Variants in TRPM3 observed in about 807,000 individuals in gnomAD.
TRPM3 encodes transient receptor potential cation channel subfamily M member 3, also known as long transient receptor potential channel 3.
Under a neutral mutation model 181.2 loss-of-function variants are expected in TRPM3, and 77 were observed. The observed-to-expected ratio is 0.42, with a 90% CI of 0.35 to 0.51. The LOEUF (loss-of-function observed/expected upper bound fraction) is 0.51, where lower values mean the gene tolerates loss of function less well. TRPM3 is among the 20% of genes least tolerant of loss of function. The probability of loss-of-function intolerance (pLI) is 0.01; values close to 1 mark genes in which losing one functional copy is unlikely to be tolerated. For synonymous variants in TRPM3, 745 were observed against 796.4 expected, an observed-to-expected ratio of 0.94 and a Z score of 1.09; for missense variants, 1,759 against 2,196.7, an observed-to-expected ratio of 0.80 and a Z score of 3.98.
At chr9:71,355,713 CCCTCTGG>C (rs1209123736) in intron 1 of TRPM3, among the ~76,000 whole-genome samples, 6 of 152,094 alleles carry the variant, frequency 3.9e-5, no homozygotes, top group Non-Finnish European at 8.8e-5. Flanking sequence ...CAAAGGAAGA[CCCTCTGG>C]CTTGGGTCTC....
At chr9:71,196,195 T>G (rs964375614) in intron 1 of TRPM3, among the ~76,000 whole-genome samples, 4 of 143,134 alleles carry the variant, frequency 2.8e-5, no homozygotes, top group Admixed American at 6.8e-5. Flanking sequence ...GTGTGTGTGT[T>G]TTGTACTTAT....
At chr9:70,651,585 G>A (rs2059601173) in intron 9 of TRPM3, among the ~76,000 whole-genome samples, 1 of 152,048 alleles carries the variant, frequency 6.6e-6, no homozygotes, top group African/African-American at 2.4e-5. Flanking sequence ...TGCATCTTGG[G>A]GTGTCACTCA....
chr9:70,599,160 A>C (rs1347670740), intron 20 of TRPM3, among the ~76,000 whole-genome samples: 2 of 152,176 alleles, frequency 1.3e-5, no homozygotes, highest in Non-Finnish European at 2.9e-5. Context: ...TCTAAGCTCC[A>C]TCACATCTTA....
chr9:70,570,313 T>G (rs1285564315), intron 22 of TRPM3, among the ~76,000 whole-genome samples: 1 of 145,232 alleles, frequency 6.9e-6, no homozygotes, highest in East Asian at 2.0e-4. Context: ...TTTTTTTTTT[T>G]TTTTTTTTTT....
intron 1 of TRPM3, among the ~76,000 whole-genome samples, chr9:71,266,829 A>T (rs2083425429): frequency 6.6e-6 from 1 of 151,994 alleles, no homozygotes; most frequent in Non-Finnish European, 1.5e-5. Context: ...AAATTTCACT[A>T]TTTTAGATAC....
At chr9:71,028,792 C>G (rs2056919367) in intron 1 of TRPM3, among the ~76,000 whole-genome samples, 1 of 152,090 alleles carries the variant, frequency 6.6e-6, no homozygotes, top group Admixed American at 6.5e-5. Context: ...CACATGAGCA[C>G]CCAGATTCAT....
At chr9:71,068,208 A>G (rs2062190169) in intron 1 of TRPM3, among the ~76,000 whole-genome samples, 1 of 152,230 alleles carries the variant, frequency 6.6e-6, no homozygotes, top group African/African-American at 2.4e-5. Flanking sequence ...TTTCCATCTT[A>G]CTGGAGACTG....
At position 70,668,525 on chromosome 9, in the gene TRPM3, C is replaced by T. The variant is rs375765453; in HGVS notation, c.1345+12981G>A. On this transcript the variant is annotated intron_variant, in intron 9 of 25. Transcript: ENST00000677713. ...TAAAAAATACAAAAAATTAGCTGGG[C>T]GTGGTGGCGGGCGCCCGTAGTCCCA... is the stretch of plus-strand genomic sequence containing the variant. 1.2e-3 allele frequency among the ~76,000 whole-genome samples: 175 copies of T among 151,792 alleles called. 2 individuals carry two copies. The highest frequency in any genetic ancestry group is 4.1e-3 in the African/African-American group (168 of 41,468).
intron 1 of TRPM3, among the ~76,000 whole-genome samples, chr9:71,107,771 G>A (rs1294843961): frequency 6.6e-6 from 1 of 152,074 alleles, no homozygotes; most frequent in Admixed American, 6.6e-5. Flanking sequence ...GGAACATTCT[G>A]TTGAAATATT....
chr9:70,624,330 G>A (rs1240229706), intron 14 of TRPM3, among the ~76,000 whole-genome samples: 1 of 152,052 alleles, frequency 6.6e-6, no homozygotes, highest in Non-Finnish European at 1.5e-5. Flanking sequence ...TGTTGTTCAG[G>A]TTGCAGGGCA....
chr9:70,681,987 C>T (rs2065563948), intron 8 of TRPM3, among the ~76,000 whole-genome samples: 1 of 152,128 alleles, frequency 6.6e-6, no homozygotes, highest in Non-Finnish European at 1.5e-5. Context: ...CCACCTCCCA[C>T]CACGTGAGGA....
chr9:71,320,940 C>T (rs778957615), intron 1 of TRPM3, among the ~76,000 whole-genome samples: 1 of 152,042 alleles, frequency 6.6e-6, no homozygotes, highest in African/African-American at 2.4e-5. Flanking sequence ...TGACATCGCT[C>T]TCTCCCTCAT....
At chr9:71,126,486 C>T (rs2074038008), upstream of TRPM3, among the ~76,000 whole-genome samples, 1 of 152,250 alleles carries the variant, frequency 6.6e-6, no homozygotes, top group South Asian at 2.1e-4. Context: ...GATGCTTATA[C>T]TGTATTTTCC....
chr9:71,322,334 T>C (rs1233100679), intron 1 of TRPM3, among the ~76,000 whole-genome samples: 1 of 152,150 alleles, frequency 6.6e-6, no homozygotes, highest in Non-Finnish European at 1.5e-5. Context: ...ACCACACAAA[T>C]GATTCATCCA....
chr9:70,663,347 T>C (rs1430366134), intron 9 of TRPM3, among the ~76,000 whole-genome samples: 4 of 152,082 alleles, frequency 2.6e-5, no homozygotes, highest in African/African-American at 9.7e-5. Flanking sequence ...AAAGAACTTA[T>C]CCATGTTCAA....
chr9:71,217,039 C>T (rs1289492559), intron 1 of TRPM3, among the ~76,000 whole-genome samples: 2 of 145,512 alleles, frequency 1.4e-5, no homozygotes, highest in Admixed American at 7.0e-5. Context: ...CAAGCTCCGC[C>T]TCCCGGGTTC....
intron 1 of TRPM3, among the ~76,000 whole-genome samples, chr9:70,948,047 T>TA (rs763659522): frequency 5.3e-5 from 8 of 151,864 alleles, no homozygotes; most frequent in African/African-American, 1.2e-4. Flanking sequence ...CTTGATTTTA[T>TA]AAAAAAACAC....
In TRPM3 at chr9:70,625,515, T is replaced by A. The variant is rs73451725; in HGVS notation, c.1635A>T (p.Arg545=). The change falls in exon 13 of 26, where the codon CGA becomes CGT. Residue 545 remains arginine (R), a splice_region_variant and synonymous_variant. Coordinates refer to ENST00000677713, the MANE Select transcript of TRPM3 (RefSeq NM_001366145.2). This position sits in a 1 kb window ranked among gnomAD's most constrained non-coding sequence, Gnocchi z 4.8. ...LYHLVRDVKK[R]EYPGFGWIYF... Reference sequence around the variant, plus strand: ...AGATCCAACCGAAACCTGGATACTCTCGCTTGGAAAGAAGACATAAGTTAA... The same window carrying A: ...AGATCCAACCGAAACCTGGATACTCACGCTTGGAAAGAAGACATAAGTTAA... 3 of 1,611,892 alleles carry A rather than the reference T, an allele frequency of 1.9e-6. No homozygotes were observed. The East Asian group carries it at 6.7e-5, about 36-fold the overall frequency.
chr9:70,923,032 C>T (rs982896205), intron 1 of TRPM3, among the ~76,000 whole-genome samples: 1 of 151,898 alleles, frequency 6.6e-6, no homozygotes, highest in African/African-American at 2.4e-5. Context: ...TTGATCTTTC[C>T]GACTTTGGTT....
Sources: gnomAD v4.1 joint callset for allele counts (sites outside exome capture counted in the v4.1 genomes callset) on GRCh38, gnomAD v4.1.1 for gene constraint, Gnocchi (gnomAD v3.1) non-coding constraint, MANE v1.5 for transcripts, NCBI Gene and HGNC (gene_info 2026-07-23, HGNC 2026-07-21) for gene names.